Variants in SPMIP4 observed in about 807,000 individuals in gnomAD.
SPMIP4 encodes the protein sperm microtubule inner protein 4.
the SPMIP4 span, among the ~76,000 whole-genome samples, chr7:25,132,327 G>T: frequency 0.24 from 35,908 of 152,030 alleles, 4,656 homozygotes; most frequent in African/African-American, 0.36. This position sits in a 1 kb window ranked among gnomAD's most constrained non-coding sequence, Gnocchi z 5.0. Context: ...GGGATTTTTA[G>T]TCGACCTAGG....
chr7:25,178,760 C>G, the SPMIP4 span, among the ~76,000 whole-genome samples: 55,123 of 151,888 alleles, frequency 0.36, 12,302 homozygotes, highest in Non-Finnish European at 0.5. Flanking sequence ...AGAGCCCCGG[C>G]CCGGCGCAGT....
At chr7:25,172,030 A>T in the SPMIP4 span, among the ~76,000 whole-genome samples, 1 of 152,218 alleles carries the variant, frequency 6.6e-6, no homozygotes, top group Admixed American at 6.5e-5. This position sits in a 1 kb window ranked among gnomAD's most constrained non-coding sequence, Gnocchi z 4.2. Flanking sequence ...GATGAGTAGG[A>T]GTTATCTAGA....
chr7:25,168,730 G>GTT, the SPMIP4 span, among the ~76,000 whole-genome samples: 161 of 138,774 alleles, frequency 1.2e-3, no homozygotes, highest in African/African-American at 3.9e-3. Flanking sequence ...TTTCATTTTC[G>GTT]TTTTTTTTTT....
At chr7:25,145,432 G>A in the SPMIP4 span, among the ~76,000 whole-genome samples, 4 of 152,342 alleles carry the variant, frequency 2.6e-5, no homozygotes, top group Admixed American at 2.0e-4. Flanking sequence ...AGGGGCTAAA[G>A]AGGCAGGAAA....
chr7:25,147,543 A>C, the SPMIP4 span, among the ~76,000 whole-genome samples: 6 of 152,154 alleles, frequency 3.9e-5, no homozygotes, highest in Non-Finnish European at 7.4e-5. Context: ...GTCTGATCTC[A>C]GTAGCTGCTC....
the SPMIP4 span, among the ~76,000 whole-genome samples, chr7:25,145,143 A>G: frequency 6.6e-6 from 1 of 151,988 alleles, no homozygotes; most frequent in Non-Finnish European, 1.5e-5. Flanking sequence ...TTGTACTTTT[A>G]GTAGAGACCG....
At chr7:25,161,204 T>C in the SPMIP4 span, 3 of 1,556,988 alleles carry the variant, frequency 1.9e-6, no homozygotes, top group Non-Finnish European at 2.6e-6. Context: ...ATCATTTCCA[T>C]AGACATCACT....
At chr7:25,158,079 A>G in the SPMIP4 span, among the ~76,000 whole-genome samples, 1 of 152,066 alleles carries the variant, frequency 6.6e-6, no homozygotes, top group African/African-American at 2.4e-5. Flanking sequence ...GTTAAGACAT[A>G]GTTTTCAGGC....
chr7:25,136,935 T>C, the SPMIP4 span: 2 of 799,124 alleles, frequency 2.5e-6, no homozygotes, highest in South Asian at 1.9e-5. This position sits in a 1 kb window ranked among gnomAD's most constrained non-coding sequence, Gnocchi z 5.7. Context: ...TTGATACTAA[T>C]TTAAAGACAT....
the SPMIP4 span, among the ~76,000 whole-genome samples, chr7:25,132,644 T>C: frequency 6.6e-6 from 1 of 152,156 alleles, no homozygotes; most frequent in Non-Finnish European, 1.5e-5. The surrounding 1 kb of genome is among the most constrained non-coding windows in gnomAD (Gnocchi z 5.0). Context: ...TGCAAAGAGC[T>C]CTATGCTGAT....
chr7:25,142,387 A>C, the SPMIP4 span: 8 of 1,251,054 alleles, frequency 6.4e-6, no homozygotes, highest in Non-Finnish European at 9.1e-6. Flanking sequence ...AACGACAGTT[A>C]TATTACCCTT....
At chr7:25,159,727 C>T in the SPMIP4 span, among the ~76,000 whole-genome samples, 1 of 152,192 alleles carries the variant, frequency 6.6e-6, no homozygotes, top group South Asian at 2.1e-4. Flanking sequence ...TAAATTTCAA[C>T]TCTAAATCTG....
the SPMIP4 span, chr7:25,136,554 C>T: frequency 9.3e-6 from 15 of 1,614,026 alleles, no homozygotes; most frequent in Admixed American, 2.0e-4. The surrounding 1 kb of genome is among the most constrained non-coding windows in gnomAD (Gnocchi z 5.7). Context: ...CTATGATCTT[C>T]TCTTCAATAT....
chr7:25,138,228 A>T, the SPMIP4 span, among the ~76,000 whole-genome samples: 1 of 152,198 alleles, frequency 6.6e-6, no homozygotes, highest in East Asian at 1.9e-4. This position sits in a 1 kb window ranked among gnomAD's most constrained non-coding sequence, Gnocchi z 6.2. Flanking sequence ...TTGTTGATCT[A>T]TTCCAGGGAT....
At chr7:25,135,515 G>C in the SPMIP4 span, 1 of 984,976 alleles carries the variant, frequency 1.0e-6, no homozygotes, top group African/African-American at 1.8e-5. Context: ...TCTACCTAAT[G>C]CTACTATGTA....
chr7:25,156,650 C>T, the SPMIP4 span, among the ~76,000 whole-genome samples: 1 of 152,020 alleles, frequency 6.6e-6, no homozygotes, highest in Non-Finnish European at 1.5e-5. Context: ...AACACCTGTC[C>T]CCAATCAAAG....
the SPMIP4 span, chr7:25,158,447 A>C: frequency 7.4e-7 from 1 of 1,352,802 alleles, no homozygotes; most frequent in Non-Finnish European, 1.1e-6. Context: ...AGGAAATGTC[A>C]ATTTTTTTTT....
the SPMIP4 span, chr7:25,136,718 G>A: frequency 2.7e-5 from 44 of 1,614,020 alleles, no homozygotes; most frequent in South Asian, 3.1e-4. The surrounding 1 kb of genome is among the most constrained non-coding windows in gnomAD (Gnocchi z 5.7). Context: ...TCCAGAGAAC[G>A]TCGGTTCTGA....
chr7:25,175,371 C>T, the SPMIP4 span, among the ~76,000 whole-genome samples: 1 of 152,182 alleles, frequency 6.6e-6, no homozygotes. Context: ...GATCCTCCCA[C>T]CTCAGCCTCC....
Sources: allele counts gnomAD v4.1 joint callset (sites outside exome capture counted in the v4.1 genomes callset), GRCh38; gene constraint gnomAD v4.1.1; non-coding constraint Gnocchi (gnomAD v3.1); transcripts MANE v1.5; gene names NCBI Gene and HGNC (gene_info 2026-07-23, HGNC 2026-07-21).